ATP8B4: variants seen among roughly 807,000 people sequenced by gnomAD.
ATP8B4 encodes ATPase phospholipid transporting 8B4 (putative), also known as probable phospholipid-transporting ATPase IM.
Under a neutral mutation model 145.6 loss-of-function variants are expected in ATP8B4, and 133 were observed. The observed-to-expected ratio is 0.91, with a 90% CI of 0.79 to 1.05. ATP8B4 has a LOEUF of 1.05. Ranked by LOEUF, ATP8B4 falls within the 50% of genes least tolerant of loss-of-function variation. The pLI, the probability that ATP8B4 is intolerant of heterozygous loss-of-function variation, is 0.00. For synonymous variants in ATP8B4, 507 were observed against 492.9 expected (o/e 1.03, Z -0.38); for missense variants, 1,458 against 1,425.2 (o/e 1.02, Z -0.37).
intron 3 of ATP8B4, among the ~76,000 whole-genome samples, chr15:50,063,476 A>G (rs962437245): frequency 1.3e-5 from 2 of 152,146 alleles, no homozygotes; most frequent in African/African-American, 2.4e-5. Context: ...ATACAATAAT[A>G]AAAGGAATAG....
intron 20 of ATP8B4, among the ~76,000 whole-genome samples, chr15:49,913,166 T>C (rs2039409976): frequency 2.0e-5 from 3 of 147,746 alleles, no homozygotes; most frequent in African/African-American, 5.2e-5. Flanking sequence ...CTACAACAGA[T>C]CAAAAATATA....
At chr15:49,866,207 C>G (rs565340103) in intron 26 of ATP8B4, 139 bp downstream of exon 26, 9 of 1,212,096 alleles carry the variant, frequency 7.4e-6, no homozygotes, top group African/African-American at 6.2e-5. Context: ...AACTCGGAAG[C>G]CTTCAGATGC....
intron 13 of ATP8B4, among the ~76,000 whole-genome samples, chr15:49,963,067 A>G (rs2044220255): frequency 6.6e-6 from 1 of 152,176 alleles, no homozygotes; most frequent in African/African-American, 2.4e-5. Context: ...ACAAATTTAC[A>G]AGAGAAAAAA....
In ATP8B4 at chr15:50,027,937, C is replaced by A. The variant is rs536079393; in HGVS notation, c.362+10831G>T. Among the ~76,000 whole-genome samples the A allele has an allele frequency of 1.1e-4, 16 of 152,294 alleles. No individual in the cohort carries two copies. The East Asian group carries it at 3.1e-3, about 29-fold the overall frequency. On this transcript the variant is annotated intron_variant, in intron 6 of 27. Transcript: ENST00000284509. The stretch of plus-strand genomic sequence containing the variant: ...CACTTGAAGTCACAGTTTCCAAGAA[C>A]CTATCAGCAATGTTAAGTGAGGACT...
chr15:50,049,149 A>C (rs1174901755), intron 3 of ATP8B4, among the ~76,000 whole-genome samples: 1 of 152,160 alleles, frequency 6.6e-6, no homozygotes, highest in Non-Finnish European at 1.5e-5. Flanking sequence ...GCTCTTTACA[A>C]TATATTTCTT....
intron 5 of ATP8B4, among the ~76,000 whole-genome samples, chr15:50,040,647 A>C (rs2051205044): frequency 6.6e-6 from 1 of 152,228 alleles, no homozygotes; most frequent in Admixed American, 6.5e-5. Context: ...GAAAAAGACC[A>C]GTCAGCTCAT....
intron 12 of ATP8B4, among the ~76,000 whole-genome samples, chr15:49,975,344 A>G (rs1289973039): frequency 6.6e-6 from 1 of 152,156 alleles, no homozygotes; most frequent in East Asian, 1.9e-4. Flanking sequence ...TGTCCCTTGA[A>G]TCTGTGGGGG....
chr15:49,954,525 G>C (rs748066494), intron 14 of ATP8B4, among the ~76,000 whole-genome samples: 18 of 152,104 alleles, frequency 1.2e-4, no homozygotes, highest in Non-Finnish European at 2.4e-4. Context: ...CAAAGGACAT[G>C]AACAGACACT....
chr15:50,122,221 A>C (rs1335594826), upstream of ATP8B4, among the ~76,000 whole-genome samples: 2 of 152,162 alleles, frequency 1.3e-5, no homozygotes, highest in Admixed American at 1.3e-4. Context: ...TGAAATCTAC[A>C]GTTGGAAGAA....
Position 49,899,436 on chromosome 15 carries a change from C to T in ATP8B4, c.2290-1185G>A, listed in dbSNP as rs537275558. Among the ~76,000 whole-genome samples the T allele has an allele frequency of 1.5e-4, 23 of 152,112 alleles. 1 individual carries two copies. The South Asian group carries it at 2.7e-3, about 18-fold the overall frequency. ...TATCCTCAGACTTTAGCACTGTGAC[C>T]GGGGCACGCTTAATAAAAATGTCAA... On this transcript the variant is annotated intron_variant, in intron 21 of 27. Coordinates refer to ENST00000284509, the MANE Select transcript of ATP8B4 (RefSeq NM_024837.4).
At chr15:49,862,174 TA>T in intron 27 of ATP8B4, 70 bp downstream of exon 27, 1 of 1,537,954 alleles carries the variant, frequency 6.5e-7, no homozygotes. Context: ...GAGCTTCCAA[TA>T]AGGCAGAAAA....
chr15:49,936,996 T>C (rs1050622198), intron 14 of ATP8B4, among the ~76,000 whole-genome samples: 2 of 152,114 alleles, frequency 1.3e-5, no homozygotes, highest in Non-Finnish European at 2.9e-5. Context: ...TCTTGTTTCA[T>C]GGATGTTATA....
At chr15:50,179,696 C>G (rs2140885274) in intron 1 of ATP8B4, among the ~76,000 whole-genome samples, 1 of 152,278 alleles carries the variant, frequency 6.6e-6, no homozygotes, top group South Asian at 2.1e-4. Flanking sequence ...AAACAGGCCC[C>G]AGAGAGGTAA....
chr15:50,176,549 T>TA lies in ATP8B4; in HGVS notation c.-43+5711dup, dbSNP rs1189277777. Among the ~76,000 whole-genome samples, 7 of 151,718 alleles carry TA rather than the reference T, an allele frequency of 4.6e-5. No homozygotes were observed. In the East Asian group the frequency reaches 5.8e-4, roughly 13 times the overall value. On this transcript the variant is annotated intron_variant, in intron 1 of 3. Coordinates refer to the ATP8B4 transcript ENST00000558829. ...ATATTTTTTAAATTAAATTAAAAAA[T>TA]AAAAAACAAAATAAATAATAAAATC...
intron 14 of ATP8B4, among the ~76,000 whole-genome samples, chr15:49,960,011 AG>A (rs1400094776): frequency 6.6e-6 from 1 of 150,840 alleles, no homozygotes; most frequent in Non-Finnish European, 1.5e-5. Context: ...TAGAGCCTTG[AG>A]CCTTGTCAAT....
At chr15:50,119,749 T>A (rs28405311), upstream of ATP8B4, among the ~76,000 whole-genome samples, 1 of 137,068 alleles carries the variant, frequency 7.3e-6, no homozygotes, top group Non-Finnish European at 1.6e-5. Context: ...TGGGTTTTTG[T>A]CACTTTTTTT....
rs182854297 is a variant in ATP8B4, at chr15:49,998,309, C to T, written c.507-1550G>A. On this transcript the variant is annotated intron_variant, in intron 8 of 27. Transcript: ENST00000284509. The stretch of plus-strand genomic sequence containing the variant: ...TTCTAGTTCTAGATCCCTGAGGAAT[C>T]GCCACACTGACTTCCACAAGGGTTG... Among the ~76,000 whole-genome samples the T allele has an allele frequency of 3.6e-3, 551 of 152,222 alleles. 1 individual carries two copies. The highest frequency in any genetic ancestry group is 0.013 in the African/African-American group (526 of 41,538).
intron 14 of ATP8B4, among the ~76,000 whole-genome samples, chr15:49,944,477 T>A (rs2042405646): frequency 1.3e-5 from 2 of 152,038 alleles, no homozygotes; most frequent in South Asian, 4.1e-4. Context: ...GAGACAAATA[T>A]GGACATTTCA....
chr15:50,144,591 C>T (rs1398751975), intron 1 of ATP8B4, among the ~76,000 whole-genome samples: 1 of 152,160 alleles, frequency 6.6e-6, no homozygotes, highest in African/African-American at 2.4e-5. Flanking sequence ...GGCATTACCT[C>T]CCACCAAGTC....
Sources: allele counts gnomAD v4.1 joint callset (sites outside exome capture counted in the v4.1 genomes callset), GRCh38; gene constraint gnomAD v4.1.1; transcripts MANE v1.5; gene names NCBI Gene and HGNC (gene_info 2026-07-23, HGNC 2026-07-21).